Variants in AUTS2 observed in about 807,000 individuals in gnomAD.
AUTS2 encodes autism susceptibility gene 2 protein.
Under a neutral mutation model 112.4 loss-of-function variants are expected in AUTS2, and 17 were observed. That is an observed-to-expected ratio of 0.15 (90% CI 0.10 to 0.23). The LOEUF (loss-of-function observed/expected upper bound fraction) is 0.23. Ranked by LOEUF, AUTS2 falls within the 10% of genes least tolerant of loss-of-function variation. AUTS2 has a pLI of 1.00. For synonymous variants in AUTS2, 751 were observed against 702.7 expected, an observed-to-expected ratio of 1.07 and a Z score of -1.09; for missense variants, 1,510 against 1,701.6, an observed-to-expected ratio of 0.89 and a Z score of 1.98.
chr7:69,661,482 A>G (rs1292641151), intron 1 of AUTS2, among the ~76,000 whole-genome samples: 11 of 152,136 alleles, frequency 7.2e-5, no homozygotes, highest in Admixed American at 7.2e-4. Context: ...ACTATTTAGC[A>G]CTGAAACCAT....
chr7:70,209,693 C>A (rs977878263), intron 4 of AUTS2, among the ~76,000 whole-genome samples: 1 of 152,088 alleles, frequency 6.6e-6, no homozygotes, highest in Non-Finnish European at 1.5e-5. Context: ...GGTATGGCCA[C>A]CTGTGTCAGT....
At chr7:69,810,026 A>C (rs1462835526) in intron 1 of AUTS2, among the ~76,000 whole-genome samples, 2 of 152,180 alleles carry the variant, frequency 1.3e-5, no homozygotes, top group African/African-American at 2.4e-5. Context: ...TTCAGCATCC[A>C]GATAAAGCCC....
At chr7:70,312,931 G>A (rs1277996781) in intron 4 of AUTS2, among the ~76,000 whole-genome samples, 1 of 152,228 alleles carries the variant, frequency 6.6e-6, no homozygotes, top group Non-Finnish European at 1.5e-5. Context: ...ACATTCTCAT[G>A]TATGAAAAAC....
intron 4 of AUTS2, among the ~76,000 whole-genome samples, chr7:70,418,306 T>C (rs1795077165): frequency 1.3e-5 from 2 of 152,104 alleles, no homozygotes; most frequent in African/African-American, 4.8e-5. Context: ...ATGCTAAGCA[T>C]GTATTGGGCA....
chr7:70,678,159 C>G (rs1361239851), intron 5 of AUTS2, among the ~76,000 whole-genome samples: 1 of 152,134 alleles, frequency 6.6e-6, no homozygotes, highest in African/African-American at 2.4e-5. Context: ...CTCTCTCCCT[C>G]CTAAATTATA....
chr7:70,288,773 A>G (rs944010055), intron 4 of AUTS2, among the ~76,000 whole-genome samples: 1 of 152,194 alleles, frequency 6.6e-6, no homozygotes, highest in Non-Finnish European at 1.5e-5. Flanking sequence ...AAAAATTCTA[A>G]AACTGAGCTA....
chr7:70,734,550 G>A (rs935371743), intron 6 of AUTS2, among the ~76,000 whole-genome samples: 1 of 152,090 alleles, frequency 6.6e-6, no homozygotes, highest in Non-Finnish European at 1.5e-5. Flanking sequence ...GAGGTTTGGC[G>A]GGACATATGG....
At chr7:70,163,130 C>T (rs994375397) in intron 4 of AUTS2, among the ~76,000 whole-genome samples, 40 of 151,710 alleles carry the variant, frequency 2.6e-4, no homozygotes, top group Non-Finnish European at 5.0e-4. Flanking sequence ...GTGCAGCCAC[C>T]TCATGGCTGC....
At chr7:70,578,926 C>CTTTT (rs71077663) in intron 5 of AUTS2, among the ~76,000 whole-genome samples, 2 of 132,314 alleles carry the variant, frequency 1.5e-5, no homozygotes, top group African/African-American at 5.7e-5. Context: ...TTTTTTCTTT[C>CTTTT]TTTTTTTTTT....
chr7:70,391,123 G>T (rs1446261363), intron 4 of AUTS2, among the ~76,000 whole-genome samples: 3 of 152,170 alleles, frequency 2.0e-5, no homozygotes, highest in Non-Finnish European at 4.4e-5. Context: ...TGAATCTCTG[G>T]GGGTGAGGCC....
chr7:69,614,352 C>CT (rs1464794016), intron 1 of AUTS2, among the ~76,000 whole-genome samples: 1 of 81,658 alleles, frequency 1.2e-5, no homozygotes, highest in Non-Finnish European at 2.7e-5. Context: ...TTCTTTCTTT[C>CT]TTTCTTTCTT....
At position 70,725,246 on chromosome 7, in the gene AUTS2, G is replaced by C. The variant is rs117099977; in HGVS notation, c.742+26626G>C. 1.1e-3 allele frequency among the ~76,000 whole-genome samples: 172 copies of C among 152,226 alleles called. 4 individuals carry two copies. The East Asian group carries it at 0.029, about 26-fold the overall frequency. On this transcript the variant is annotated intron_variant, in intron 6 of 18. Transcript: ENST00000342771. ...TTCCTCTCGGGTAAATGTCGGAAGT[G>C]AGTGCCCTGGCTGAACATAAGGGAA... is the stretch of plus-strand genomic sequence containing the variant.
At chr7:70,254,084 G>A (rs1562824100) in intron 4 of AUTS2, among the ~76,000 whole-genome samples, 1 of 152,066 alleles carries the variant, frequency 6.6e-6, no homozygotes, top group Non-Finnish European at 1.5e-5. Context: ...TCTAGCTCAT[G>A]GATGTAGATT....
intron 4 of AUTS2, among the ~76,000 whole-genome samples, chr7:70,409,762 A>G (rs758277817): frequency 5.3e-5 from 8 of 152,254 alleles, no homozygotes; most frequent in Non-Finnish European, 1.0e-4. Context: ...GCTAATAAAA[A>G]TAGTGACTGG....
At chr7:69,655,342 A>G (rs1245109095) in intron 1 of AUTS2, among the ~76,000 whole-genome samples, 1 of 152,078 alleles carries the variant, frequency 6.6e-6, no homozygotes, top group East Asian at 1.9e-4. Context: ...GGGGCCTGTC[A>G]TATTTTTTAA....
At chr7:69,795,833 G>T (rs547489785) in intron 1 of AUTS2, among the ~76,000 whole-genome samples, 12 of 152,172 alleles carry the variant, frequency 7.9e-5, no homozygotes, top group Admixed American at 7.9e-4. Context: ...AAGAGCTAGC[G>T]CCAGAACAAG....
At chr7:69,762,473 A>AT (rs1253981139) in intron 1 of AUTS2, among the ~76,000 whole-genome samples, 1 of 151,176 alleles carries the variant, frequency 6.6e-6, no homozygotes, top group Non-Finnish European at 1.5e-5. Flanking sequence ...CGCCTGGCTA[A>AT]TTTTTTTGTG....
At chr7:70,413,376 G>A (rs565149371) in intron 4 of AUTS2, among the ~76,000 whole-genome samples, 1 of 152,284 alleles carries the variant, frequency 6.6e-6, no homozygotes, top group East Asian at 1.9e-4. Context: ...TAGAGCCAAA[G>A]GTGGTCTGAG....
intron 1 of AUTS2, among the ~76,000 whole-genome samples, chr7:69,759,029 G>GC (rs1788055136): frequency 6.6e-6 from 1 of 152,156 alleles, no homozygotes; most frequent in Non-Finnish European, 1.5e-5. Flanking sequence ...TATTGAGTAA[G>GC]CAAGTGTTTG....
Sources: allele counts gnomAD v4.1 joint callset (sites outside exome capture counted in the v4.1 genomes callset), GRCh38; gene constraint gnomAD v4.1.1; transcripts MANE v1.5; gene names NCBI Gene and HGNC (gene_info 2026-07-23, HGNC 2026-07-21).